HAT1: variants seen among roughly 807,000 people sequenced by gnomAD.
HAT1 encodes histone acetyltransferase 1, also known as histone acetyltransferase type B catalytic subunit.
In HAT1, 20 loss-of-function variants were observed where a neutral mutation model predicts 56.6. The ratio of observed to expected loss-of-function variants is 0.35; its 90% CI spans 0.25 to 0.51. The LOEUF (loss-of-function observed/expected upper bound fraction) is 0.51. HAT1 is among the 20% of genes least tolerant of loss of function. The pLI is 0.95. For synonymous variants in HAT1, 146 were observed against 165.5 expected, an observed-to-expected ratio of 0.88 and a Z score of 0.91; for missense variants, 408 against 504.3, an observed-to-expected ratio of 0.81 and a Z score of 1.83.
At chr2:171,960,868 G>A (rs939866685) in intron 4 of HAT1, among the ~76,000 whole-genome samples, 1 of 151,870 alleles carries the variant, frequency 6.6e-6, no homozygotes, top group Non-Finnish European at 1.5e-5. Flanking sequence ...AATGCTGAAC[G>A]TGGTGGCTCA....
At chr2:171,982,355 G>A (rs1688152902) in intron 10 of HAT1, among the ~76,000 whole-genome samples, 1 of 152,234 alleles carries the variant, frequency 6.6e-6, no homozygotes, top group South Asian at 2.1e-4. Context: ...ACCCAACCAG[G>A]AATCCTGGAG....
At chr2:171,948,316 C>T (rs1687221637) in intron 3 of HAT1, among the ~76,000 whole-genome samples, 1 of 152,176 alleles carries the variant, frequency 6.6e-6, no homozygotes, top group African/African-American at 2.4e-5. Context: ...CCTCCACTTC[C>T]TGGGTTCAGA....
intron 8 of HAT1, among the ~76,000 whole-genome samples, chr2:171,972,679 A>C (rs1687848044): frequency 6.6e-6 from 1 of 152,266 alleles, no homozygotes; most frequent in Non-Finnish European, 1.5e-5. Context: ...TGGGCAAGGC[A>C]CAGCAGAGGT....
intron 10 of HAT1, among the ~76,000 whole-genome samples, chr2:171,982,722 G>GTT (rs1688163962): frequency 6.6e-6 from 1 of 152,164 alleles, no homozygotes; most frequent in South Asian, 2.1e-4. Context: ...ATTTCTAACA[G>GTT]TTTATGTTAA....
At position 171,949,506 on chromosome 2, in the gene HAT1, G is replaced by A. The variant is rs112698822; in HGVS notation, c.188+2723G>A. On this transcript the variant is annotated intron_variant, in intron 3 of 10. Transcript: ENST00000264108. ...AGCCTGGGCAACATGGTGAAACCAC[G>A]TCTCTACTAAAATACAAAATTAGCC... Among the ~76,000 whole-genome samples, 83 of 152,156 alleles carry A rather than the reference G, an allele frequency of 5.5e-4. 3 individuals carry two copies. Among genetic ancestry groups the A allele is most frequent in the Admixed American group, 1.5e-3 (23 of 15,276 alleles).
intron 4 of HAT1, among the ~76,000 whole-genome samples, chr2:171,956,588 G>A (rs1490542697): frequency 6.6e-6 from 1 of 152,206 alleles, no homozygotes; most frequent in Non-Finnish European, 1.5e-5. Context: ...CATGTATTTG[G>A]CAACTGGAGA....
chr2:171,971,027 T>C (rs962918652), intron 8 of HAT1, among the ~76,000 whole-genome samples: 2 of 151,708 alleles, frequency 1.3e-5, no homozygotes, highest in African/African-American at 2.4e-5. Context: ...GGTGAAACCC[T>C]GTCTCTACTA....
Position 171,965,451 on chromosome 2 carries a change from C to G in HAT1, c.423C>G (p.Thr141=), listed in dbSNP as rs778013942. ...AAGTTGATTTCAAGCCATTCGGAAC[C>G]TTACTTCATACCTACTCAGTTCTCA... ...EKEVDFKPFG[T]LLHTYSVLSP... The change falls in exon 5 of 11, where the codon ACC becomes ACG. Residue 141 remains threonine (T), a synonymous_variant. Coordinates refer to ENST00000264108, the MANE Select transcript of HAT1 (RefSeq NM_003642.4). 6.2e-7 allele frequency: 1 copy of G among 1,610,934 alleles called. No homozygotes were observed.
rs949470213 is a variant in HAT1 at position 171,965,333 on chromosome 2, T to G, written c.310-5T>G. 1.3e-6 allele frequency: 2 copies of G among 1,558,056 alleles called. No homozygotes were observed. The highest frequency in any genetic ancestry group is 2.7e-5 in the African/African-American group (2 of 73,636). On this transcript the variant is annotated splice_polypyrimidine_tract_variant and splice_region_variant and intron_variant, in intron 4 of 10. Transcript: ENST00000264108. ...TATTAATTTTTTATATCCTTTATTC[T>G]TTAGGCAGATGATGTTGAGGGCAAA...
intron 2 of HAT1, among the ~76,000 whole-genome samples, chr2:171,944,491 A>T (rs1168130909): frequency 3.3e-5 from 5 of 152,190 alleles, no homozygotes; most frequent in Non-Finnish European, 7.3e-5. Flanking sequence ...GAACAACACG[A>T]CTTGAACTGT....
intron 8 of HAT1, among the ~76,000 whole-genome samples, chr2:171,974,184 AAAAAAAAAGAAAAAAAGAAAAAG>A (rs2105342882): frequency 1.0e-5 from 1 of 100,220 alleles, no homozygotes; most frequent in East Asian, 2.3e-4. Context: ...AAAAAAAAAA[AAAAAAAAAGAAAAAAAGAAAAAG>A]AAAAAAAAAA....
At chr2:171,945,963 C>A (rs1003878790) in intron 2 of HAT1, among the ~76,000 whole-genome samples, 2 of 152,160 alleles carry the variant, frequency 1.3e-5, no homozygotes, top group Admixed American at 1.3e-4. Flanking sequence ...AGCCACTGTG[C>A]CCAGCCTAAT....
Position 171,976,692 on chromosome 2 carries a change from T to C in HAT1, c.975+384T>C, listed in dbSNP as rs139631930. Among the ~76,000 whole-genome samples the C allele has an allele frequency of 4.3e-3, 658 of 152,340 alleles. 6 individuals carry two copies. The highest frequency in any genetic ancestry group is 0.015 in the African/African-American group (619 of 41,584). The stretch of plus-strand genomic sequence containing the variant: ...GAAGTAAAACACGTATTTCATTTTA[T>C]ATACTTTTATATATTTATTTAAATT... On this transcript the variant is annotated intron_variant, in intron 9 of 10. Transcript: ENST00000264108.
intron 4 of HAT1, among the ~76,000 whole-genome samples, chr2:171,954,513 C>G (rs1282411721): frequency 1.3e-5 from 2 of 152,090 alleles, no homozygotes; most frequent in South Asian, 2.1e-4. Flanking sequence ...TGGCAAAACC[C>G]CGTCTCTACT....
chr2:171,931,078 G>T (rs930895279), intron 2 of HAT1, among the ~76,000 whole-genome samples: 2 of 152,124 alleles, frequency 1.3e-5, no homozygotes, highest in Admixed American at 1.3e-4. Flanking sequence ...ATCTGCCGAT[G>T]ATCCGGTCCA....
At chr2:171,982,156 ATATTAT>A (rs142104067) in intron 10 of HAT1, among the ~76,000 whole-genome samples, 3,126 of 152,182 alleles carry the variant, frequency 0.021, 47 homozygotes, top group Middle Eastern at 0.037. Context: ...ATTCTTTTTT[ATATTAT>A]TATTAAGTAC....
At chr2:171,974,335 G>A (rs1043762155) in intron 8 of HAT1, among the ~76,000 whole-genome samples, 3 of 151,688 alleles carry the variant, frequency 2.0e-5, no homozygotes, top group Admixed American at 6.6e-5. Context: ...TGATGCTGTT[G>A]GAAATGGGAT....
intron 2 of HAT1, among the ~76,000 whole-genome samples, chr2:171,932,721 T>G (rs1452423835): frequency 6.6e-6 from 1 of 151,966 alleles, no homozygotes; most frequent in Non-Finnish European, 1.5e-5. Context: ...ATTTAAAAAT[T>G]AGCCAAGCAT....
At chr2:171,925,744 A>T in intron 2 of HAT1, 103 bp downstream of exon 2, 2 of 583,764 alleles carry the variant, frequency 3.4e-6, no homozygotes, top group Non-Finnish European at 6.2e-6. Flanking sequence ...GCAGTTATTT[A>T]TGCAAATGTA....
Sources: allele counts gnomAD v4.1 joint callset (sites outside exome capture counted in the v4.1 genomes callset), GRCh38; gene constraint gnomAD v4.1.1; transcripts MANE v1.5; gene names NCBI Gene and HGNC (gene_info 2026-07-23, HGNC 2026-07-21).